Variants in GSN observed in about 807,000 individuals in gnomAD.
GSN encodes the protein actin-depolymerizing factor.
GSN carries 56 observed loss-of-function variants against 85.7 expected under a neutral mutation model. That is an observed-to-expected ratio of 0.65 (90% CI 0.53 to 0.82). The LOEUF (loss-of-function observed/expected upper bound fraction) is 0.82, where lower values mean the gene tolerates loss of function less well. GSN is among the 40% of genes least tolerant of loss of function. GSN has a pLI of 0.00. For synonymous variants in GSN, 373 were observed against 399.1 expected (o/e 0.93, Z 0.78); for missense variants, 857 against 979.8 (o/e 0.87, Z 1.67).
chr9:121,301,920 C>A, intron 2 of GSN, 43 bp from the exon 3 acceptor site: 1 of 1,613,438 alleles, frequency 6.2e-7, no homozygotes, highest in Non-Finnish European at 8.5e-7. Flanking sequence ...TCTCTCCCTG[C>A]CAGGACCCTG....
chr9:121,228,981 C>T (rs1453438034), intron 4 of GSN, among the ~76,000 whole-genome samples: 2 of 152,122 alleles, frequency 1.3e-5, no homozygotes, highest in African/African-American at 2.4e-5. Context: ...AGAGGAAGGC[C>T]GCTTTCTACA....
At position 121,303,012 on chromosome 9, in the gene GSN, G is replaced by A. The variant is rs1245060312; in HGVS notation, c.298G>A (p.Gly100Ser). ...GRAVQHREVQGFESATFLGYF... is the reference protein window; with the variant it reads ...GRAVQHREVQSFESATFLGYF... ...GGCCGTGCAGCACCGTGAGGTCCAG[G>A]GCTTCGAGTCGGCCACCTTCCTAGG... The change falls in exon 4 of 18, where the codon GGC becomes AGC. Residue 100 changes from glycine to serine, a missense_variant. By Grantham distance (56) the Gly-to-Ser change is moderately conservative. Transcript: ENST00000432226. 1.2e-6 allele frequency: 2 copies of A among 1,613,984 alleles called. No homozygotes were observed. The highest frequency in any genetic ancestry group is 3.3e-5 in the Admixed American group (2 of 60,028).
At chr9:121,328,497 A>G (rs1175550662) in intron 14 of GSN, among the ~76,000 whole-genome samples, 1 of 152,228 alleles carries the variant, frequency 6.6e-6, no homozygotes, top group Non-Finnish European at 1.5e-5. Context: ...TAGTGGAAAG[A>G]GTATAGGTGT....
At chr9:121,228,228 C>A (rs890689290) in intron 4 of GSN, among the ~76,000 whole-genome samples, 2 of 151,790 alleles carry the variant, frequency 1.3e-5, no homozygotes, top group African/African-American at 4.8e-5. Context: ...AGCACAGACC[C>A]TGCACACCCG....
chr9:121,217,941 A>G (rs995632921), intron 4 of GSN, among the ~76,000 whole-genome samples: 1 of 151,932 alleles, frequency 6.6e-6, no homozygotes, highest in African/African-American at 2.4e-5. Flanking sequence ...GGGTACATAC[A>G]TAAAGATATA....
At position 121,217,131 on chromosome 9, in the gene GSN, G is replaced by A. The variant is rs754957153; in HGVS notation, c.-528+6264G>A. ...TCCCAGCACTTTGTGAGGCCAAGGC[G>A]GGTGGATCACAAGGTCAGGGTGGAT... is the stretch of plus-strand genomic sequence containing the variant. On this transcript the variant is annotated intron_variant, in intron 4 of 24. Transcript: ENST00000373823. Among the ~76,000 whole-genome samples the A allele has an allele frequency of 2.6e-5, 4 of 152,134 alleles. No individual in the cohort carries two copies. In the South Asian group the frequency reaches 6.2e-4, roughly 24 times the overall value.
At chr9:121,330,059 G>T (rs1208439134) in intron 16 of GSN, among the ~76,000 whole-genome samples, 2 of 152,112 alleles carry the variant, frequency 1.3e-5, no homozygotes, top group African/African-American at 4.8e-5. Flanking sequence ...GGAAGATCGG[G>T]ACCAAAAATG....
intron 4 of GSN, among the ~76,000 whole-genome samples, chr9:121,307,705 GTAAGTGGCAGCCACTGTGC>G (rs1286434234): frequency 6.6e-6 from 1 of 152,238 alleles, no homozygotes; most frequent in Non-Finnish European, 1.5e-5. Flanking sequence ...GCAAAGCTCG[GTAAGTGGCAGCCACTGTGC>G]TTGTTTCAGG....
intron 1 of GSN, among the ~76,000 whole-genome samples, chr9:121,271,435 A>G (rs151232401): frequency 6.6e-6 from 1 of 152,350 alleles, no homozygotes; most frequent in African/African-American, 2.4e-5. Context: ...ATTCCTTGCA[A>G]CCATTCCTCT....
chr9:121,318,360 G>A lies in GSN; in HGVS notation c.887-46G>A. 1.4e-6 allele frequency: 2 copies of A among 1,441,410 alleles called. No homozygotes were observed. The highest frequency in any genetic ancestry group is 2.0e-6 in the Non-Finnish European group (2 of 1,022,358). 89.3% of individuals were successfully genotyped at this position (1,441,410 alleles called of 1,614,324 possible). ...ACTGTTAAAGGTCAGGATGCAGCAG[G>A]ATCCCGGGCCTCTAACCCTCCATCA... On this transcript the variant is annotated intron_variant, in intron 8 of 17. Transcript: ENST00000432226. This position sits in a 1 kb window ranked among gnomAD's most constrained non-coding sequence, Gnocchi z 4.3.
At chr9:121,217,117 T>C (rs2054078144) in intron 4 of GSN, among the ~76,000 whole-genome samples, 1 of 152,246 alleles carries the variant, frequency 6.6e-6, no homozygotes, top group African/African-American at 2.4e-5. Context: ...CCCAGCACTT[T>C]GTGAGGCCAA....
intron 4 of GSN, chr9:121,309,917 G>A (rs1018114384): frequency 6.6e-6 from 1 of 152,506 alleles, no homozygotes; most frequent in Admixed American, 6.5e-5. Flanking sequence ...AGCTGTGATT[G>A]TACCAATGCA....
intron 5 of GSN, among the ~76,000 whole-genome samples, chr9:121,233,060 T>C (rs182068953): frequency 5.8e-4 from 89 of 152,340 alleles, no homozygotes; most frequent in African/African-American, 1.9e-3. Flanking sequence ...CTGAGACTGC[T>C]TAACCAACAA....
At chr9:121,292,034 C>G (rs1417539890) in intron 2 of GSN, among the ~76,000 whole-genome samples, 1 of 152,158 alleles carries the variant, frequency 6.6e-6, no homozygotes, top group East Asian at 1.9e-4. Flanking sequence ...GTAGCTAGAA[C>G]TACTGGTGCA....
At chr9:121,319,267 G>A (rs550510040) in intron 10 of GSN, among the ~76,000 whole-genome samples, 70 of 152,240 alleles carry the variant, frequency 4.6e-4, no homozygotes, top group African/African-American at 1.4e-3. Context: ...CTTTGCTGCC[G>A]GAGAGGAAGA....
intron 5 of GSN, among the ~76,000 whole-genome samples, chr9:121,240,471 A>G (rs79017959): frequency 4.6e-5 from 7 of 152,338 alleles, no homozygotes; most frequent in African/African-American, 1.7e-4. Flanking sequence ...ACCAAAAGAG[A>G]ACTTCAACAA....
At chr9:121,315,821 A>G (rs2133591123) in intron 7 of GSN, among the ~76,000 whole-genome samples, 1 of 152,336 alleles carries the variant, frequency 6.6e-6, no homozygotes, top group East Asian at 1.9e-4. Context: ...GTCAGGAGTC[A>G]GACTACCTGT....
chr9:121,202,051 C>A, the GSN span, among the ~76,000 whole-genome samples: 1 of 152,204 alleles, frequency 6.6e-6, no homozygotes, highest in Non-Finnish European at 1.5e-5. Flanking sequence ...TGAGGCCCGC[C>A]CCACGGGCGC....
chr9:121,324,634 C>T lies in GSN; in HGVS notation c.1406C>T (p.Thr469Ile), dbSNP rs2062923090. Residue 469 changes from threonine (T) to isoleucine (I), a missense_variant, in exon 12 of 18, where the codon ACC becomes ATC. Thr to Ile is a moderately conservative substitution (Grantham distance 89). Coordinates refer to ENST00000432226, the MANE Select transcript of GSN (RefSeq NM_198252.3). ...CAGCTGGATGAGGAGCTGGGAGGTA[C>T]CCCTGTCCAGGTGAGCCCAGCCCAC... ...TAQLDEELGGTPVQSRVVQGK... is the reference protein window; with the variant it reads ...TAQLDEELGGIPVQSRVVQGK... 1 of 1,528,524 alleles carries T rather than the reference C, an allele frequency of 6.5e-7. No homozygotes were observed. The highest frequency in any genetic ancestry group is 8.9e-7 in the Non-Finnish European group (1 of 1,128,732). 94.7% of individuals were successfully genotyped at this position (1,528,524 alleles called of 1,614,324 possible). A position where few individuals can be genotyped will look rare whatever the true frequency, so the allele number is the denominator to read the frequency against.
Sources: allele counts gnomAD v4.1 joint callset (sites outside exome capture counted in the v4.1 genomes callset), GRCh38; gene constraint gnomAD v4.1.1; non-coding constraint Gnocchi (gnomAD v3.1); transcripts MANE v1.5; gene names NCBI Gene and HGNC (gene_info 2026-07-23, HGNC 2026-07-21).